MATCAP2: variants seen among roughly 807,000 people sequenced by gnomAD.
The protein encoded by MATCAP2 is putative tyrosine carboxypeptidase MATCAP2.
chr7:36,325,245 C>T, the MATCAP2 span: 54 of 152,324 alleles, frequency 3.5e-4, no homozygotes, highest in East Asian at 7.3e-3. Context: ...CAGCATGGCA[C>T]GTAGTTGGGG....
At chr7:36,326,628 T>TG in the MATCAP2 span, 1 of 729,090 alleles carries the variant, frequency 1.4e-6, no homozygotes, top group Non-Finnish European at 2.1e-6. Context: ...AAAATTCCGC[T>TG]GAATACTGAA....
At chr7:36,357,253 A>C in the MATCAP2 span, 1 of 1,614,200 alleles carries the variant, frequency 6.2e-7, no homozygotes. Flanking sequence ...TGACAAAAAC[A>C]GCAGGCCGCC....
the MATCAP2 span, among the ~76,000 whole-genome samples, chr7:36,379,835 C>CAGAG: frequency 9.7e-5 from 13 of 134,196 alleles, no homozygotes; most frequent in Admixed American, 3.3e-4. Context: ...CACACACACA[C>CAGAG]ACACACACAC....
the MATCAP2 span, chr7:36,389,875 G>T: frequency 1.4e-6 from 2 of 1,396,916 alleles, no homozygotes; most frequent in African/African-American, 2.8e-5. Context: ...TCCGTCACTG[G>T]AAGCCGAGAG....
the MATCAP2 span, chr7:36,355,817 T>G: frequency 6.6e-6 from 1 of 152,218 alleles, no homozygotes; most frequent in African/African-American, 2.4e-5. Context: ...CAAAGTTAAT[T>G]TGACCAAATA....
chr7:36,364,673 C>T, the MATCAP2 span, among the ~76,000 whole-genome samples: 3 of 152,106 alleles, frequency 2.0e-5, no homozygotes, highest in Admixed American at 6.5e-5. Flanking sequence ...ATGGCCATCT[C>T]AGATATCAAT....
At chr7:36,384,949 C>T in the MATCAP2 span, among the ~76,000 whole-genome samples, 2 of 151,720 alleles carry the variant, frequency 1.3e-5, no homozygotes, top group Non-Finnish European at 2.9e-5. Flanking sequence ...CATGCATGGC[C>T]TTGTAGGTAT....
At chr7:36,344,064 T>C in the MATCAP2 span, among the ~76,000 whole-genome samples, 2 of 152,290 alleles carry the variant, frequency 1.3e-5, no homozygotes, top group South Asian at 4.1e-4. Context: ...AAAAATGCCA[T>C]TATTTCTAGG....
chr7:36,374,593 G>T, the MATCAP2 span, among the ~76,000 whole-genome samples: 3 of 151,848 alleles, frequency 2.0e-5, no homozygotes, highest in African/African-American at 7.3e-5. Context: ...CAACATGCAG[G>T]TTTGTTACAT....
chr7:36,358,336 A>T, the MATCAP2 span, among the ~76,000 whole-genome samples: 15 of 152,230 alleles, frequency 9.9e-5, no homozygotes, highest in African/African-American at 3.6e-4. Context: ...AGCTATCAGT[A>T]AAAGGACAAC....
At chr7:36,386,532 C>A in the MATCAP2 span, among the ~76,000 whole-genome samples, 1 of 150,490 alleles carries the variant, frequency 6.6e-6, no homozygotes. Context: ...AAAAGACAAG[C>A]CACAAACCAA....
the MATCAP2 span, among the ~76,000 whole-genome samples, chr7:36,352,056 T>C: frequency 6.6e-6 from 1 of 152,012 alleles, no homozygotes; most frequent in African/African-American, 2.4e-5. Flanking sequence ...AATTATATGG[T>C]TGTGATGAAA....
the MATCAP2 span, chr7:36,368,078 T>C: frequency 1.4e-5 from 2 of 146,504 alleles, no homozygotes; most frequent in African/African-American, 2.5e-5. Context: ...AAAAGTACGG[T>C]GGGAATGGGA....
At chr7:36,350,676 G>A in the MATCAP2 span, among the ~76,000 whole-genome samples, 2 of 151,990 alleles carry the variant, frequency 1.3e-5, no homozygotes, top group African/African-American at 2.4e-5. Flanking sequence ...GAAGTAGCTG[G>A]GATTACAGGC....
At chr7:36,326,840 G>A in the MATCAP2 span, 2 of 1,613,948 alleles carry the variant, frequency 1.2e-6, no homozygotes, top group African/African-American at 1.3e-5. Flanking sequence ...TATCGGCCAT[G>A]GTCCTGCAGG....
At chr7:36,388,299 T>TA in the MATCAP2 span, among the ~76,000 whole-genome samples, 19,547 of 140,772 alleles carry the variant, frequency 0.14, 1,309 homozygotes, top group East Asian at 0.24. Flanking sequence ...CCACAAAGGT[T>TA]AAAAAAAAAA....
chr7:36,341,219 G>C, the MATCAP2 span, among the ~76,000 whole-genome samples: 1 of 152,104 alleles, frequency 6.6e-6, no homozygotes, highest in East Asian at 1.9e-4. Flanking sequence ...AACACTTTTA[G>C]AGGCAATAAA....
At chr7:36,383,979 T>C in the MATCAP2 span, 1 of 849,302 alleles carries the variant, frequency 1.2e-6, no homozygotes, top group Non-Finnish European at 1.7e-6. Flanking sequence ...GAATTAAGTA[T>C]AAATAGTCTA....
the MATCAP2 span, among the ~76,000 whole-genome samples, chr7:36,335,706 A>G: frequency 6.6e-6 from 1 of 152,374 alleles, no homozygotes; most frequent in East Asian, 1.9e-4. Flanking sequence ...GGAACTTAAC[A>G]GTATTGAGTA....
Sources: allele counts gnomAD v4.1 joint callset (sites outside exome capture counted in the v4.1 genomes callset), GRCh38; gene constraint gnomAD v4.1.1; transcripts MANE v1.5; gene names NCBI Gene and HGNC (gene_info 2026-07-23, HGNC 2026-07-21).